The following STIM2 variants were observed in gnomAD, a reference collection of about 807,000 sequenced individuals.
STIM2 encodes stromal interaction molecule 2.
Under a neutral mutation model 85.8 loss-of-function variants are expected in STIM2, and 31 were observed. The observed-to-expected ratio is 0.36, with a 90% CI of 0.27 to 0.49. The LOEUF (loss-of-function observed/expected upper bound fraction) is 0.49, where lower values mean the gene tolerates loss of function less well. STIM2 is among the 20% of genes least tolerant of loss of function. The probability of loss-of-function intolerance (pLI) is 0.98; values close to 1 mark genes in which losing one functional copy is unlikely to be tolerated. For synonymous variants in STIM2, 356 were observed against 331.1 expected (o/e 1.08, Z -0.82); for missense variants, 841 against 927.6 (o/e 0.91, Z 1.21).
At chr4:27,012,968 G>A (rs185785321) in intron 10 of STIM2, among the ~76,000 whole-genome samples, 4 of 152,048 alleles carry the variant, frequency 2.6e-5, no homozygotes, top group Admixed American at 1.3e-4. Flanking sequence ...AATCCTTTAA[G>A]TGTCAGTGAA....
At chr4:26,972,688 G>A (rs1727008515) in intron 3 of STIM2, among the ~76,000 whole-genome samples, 1 of 152,172 alleles carries the variant, frequency 6.6e-6, no homozygotes, top group Non-Finnish European at 1.5e-5. Flanking sequence ...CAGGGATATT[G>A]GTCTAAAATT....
chr4:26,908,763 C>T (rs896453424), intron 1 of STIM2, among the ~76,000 whole-genome samples: 4 of 152,298 alleles, frequency 2.6e-5, no homozygotes, highest in South Asian at 2.1e-4. Flanking sequence ...GGATTAGAGG[C>T]GTGAGCCACT....
intron 2 of STIM2, among the ~76,000 whole-genome samples, chr4:26,948,865 C>T (rs1725943304): frequency 6.6e-6 from 1 of 151,908 alleles, no homozygotes; most frequent in Non-Finnish European, 1.5e-5. Flanking sequence ...GGGCTAGTGA[C>T]TTCTCAGAAA....
chr4:26,878,258 G>A (rs1167837089), intron 1 of STIM2, among the ~76,000 whole-genome samples: 2 of 152,126 alleles, frequency 1.3e-5, no homozygotes, highest in Non-Finnish European at 2.9e-5. Context: ...CCTGAGTCTT[G>A]AGAGTAGAAC....
chr4:27,009,983 A>G (rs1453754945), intron 10 of STIM2, among the ~76,000 whole-genome samples: 1 of 152,206 alleles, frequency 6.6e-6, no homozygotes, highest in Non-Finnish European at 1.5e-5. Context: ...TTTTTAAAAA[A>G]CACTTTTTGG....
intron 2 of STIM2, among the ~76,000 whole-genome samples, chr4:26,955,826 A>AG (rs1332693134): frequency 4.0e-5 from 5 of 125,512 alleles, no homozygotes; most frequent in South Asian, 2.5e-4. Flanking sequence ...TCTAATTGCC[A>AG]TAATGCTGAC....
intron 3 of STIM2, among the ~76,000 whole-genome samples, chr4:26,986,958 A>G (rs1200906283): frequency 6.6e-6 from 1 of 152,238 alleles, no homozygotes; most frequent in Non-Finnish European, 1.5e-5. Flanking sequence ...ATAAGCAAAC[A>G]GTTACAAAGT....
chr4:27,024,229 G>C lies in STIM2; in HGVS notation c.*1233G>C, dbSNP rs1168022521. The C allele has an allele frequency of 6.6e-6, 1 of 152,120 alleles. No homozygotes were observed. Among genetic ancestry groups the C allele is most frequent in the Admixed American group, 6.5e-5 (1 of 15,278 alleles). 9.4% of individuals were successfully genotyped at this position (152,120 alleles called of 1,614,324 possible). On this transcript the variant is annotated 3_prime_UTR_variant, in exon 12 of 12. Transcript: ENST00000467087. ...TATAAAGTATGGTGTTCATTAAATT[G>C]GTGGGTTGTATAAGGGTAGCTTTTG...
intron 2 of STIM2, among the ~76,000 whole-genome samples, chr4:26,944,604 G>C (rs1292420225): frequency 6.6e-6 from 1 of 152,122 alleles, no homozygotes; most frequent in East Asian, 1.9e-4. Context: ...CTCCAATTAA[G>C]AGTGACAAGA....
At chr4:26,930,583 A>G (rs1192808599) in intron 2 of STIM2, among the ~76,000 whole-genome samples, 1 of 152,164 alleles carries the variant, frequency 6.6e-6, no homozygotes, top group African/African-American at 2.4e-5. Context: ...TCCTTATGTT[A>G]CATATGCTGC....
At chr4:26,908,278 G>A (rs1232498670) in intron 1 of STIM2, among the ~76,000 whole-genome samples, 1 of 152,140 alleles carries the variant, frequency 6.6e-6, no homozygotes, top group Non-Finnish European at 1.5e-5. Flanking sequence ...TTCTTGACAG[G>A]TTGTGAGATA....
At chr4:26,915,969 C>A (rs1222275431) in intron 1 of STIM2, among the ~76,000 whole-genome samples, 1 of 152,126 alleles carries the variant, frequency 6.6e-6, no homozygotes, top group African/African-American at 2.4e-5. Flanking sequence ...TCCACTGGGG[C>A]ATTTTGGGTA....
At chr4:26,933,923 T>G (rs922191558) in intron 2 of STIM2, among the ~76,000 whole-genome samples, 1 of 152,102 alleles carries the variant, frequency 6.6e-6, no homozygotes, top group African/African-American at 2.4e-5. Context: ...GCTGGGTGCA[T>G]TGGCTCACGC....
At chr4:26,936,220 A>G (rs1725387322) in intron 2 of STIM2, among the ~76,000 whole-genome samples, 1 of 152,168 alleles carries the variant, frequency 6.6e-6, no homozygotes, top group African/African-American at 2.4e-5. Context: ...CCCAGCATTT[A>G]TTTAGTTTAG....
chr4:26,883,635 C>T (rs1349099632), intron 1 of STIM2, among the ~76,000 whole-genome samples: 1 of 152,076 alleles, frequency 6.6e-6, no homozygotes, highest in African/African-American at 2.4e-5. Context: ...CTTTGTAACA[C>T]AGCTGCAGTA....
At chr4:26,958,499 A>T (rs892658104) in intron 3 of STIM2, among the ~76,000 whole-genome samples, 5 of 152,184 alleles carry the variant, frequency 3.3e-5, no homozygotes, top group Non-Finnish European at 5.9e-5. Flanking sequence ...AATAAAGTTT[A>T]CTTGAGTCAT....
At chr4:26,906,305 GA>G (rs1724122419) in intron 1 of STIM2, among the ~76,000 whole-genome samples, 1 of 152,080 alleles carries the variant, frequency 6.6e-6, no homozygotes, top group African/African-American at 2.4e-5. Flanking sequence ...GGTGAAGATT[GA>G]AAAACCACCT....
chr4:26,935,215 G>A (rs1224617547), intron 2 of STIM2, among the ~76,000 whole-genome samples: 1 of 152,122 alleles, frequency 6.6e-6, no homozygotes, highest in Admixed American at 6.6e-5. Flanking sequence ...TTCTTATGTA[G>A]GTGGAAGTCA....
intron 1 of STIM2, among the ~76,000 whole-genome samples, chr4:26,873,123 G>T (rs1462596387): frequency 6.6e-6 from 1 of 152,184 alleles, no homozygotes; most frequent in African/African-American, 2.4e-5. Context: ...TAACAGGCCG[G>T]GTGTGGTGGC....
Sources: allele counts gnomAD v4.1 joint callset (sites outside exome capture counted in the v4.1 genomes callset), GRCh38; gene constraint gnomAD v4.1.1; transcripts MANE v1.5; gene names NCBI Gene and HGNC (gene_info 2026-07-23, HGNC 2026-07-21).